Variants in AUTS2 observed in about 807,000 individuals in gnomAD.
AUTS2 encodes the protein activator of transcription and developmental regulator AUTS2.
Under a neutral mutation model 112.4 loss-of-function variants are expected in AUTS2, and 17 were observed. The ratio of observed to expected loss-of-function variants is 0.15; its 90% confidence interval spans 0.10 to 0.23. AUTS2 has a LOEUF of 0.23. AUTS2 is among the 10% of genes least tolerant of loss of function. The probability of loss-of-function intolerance (pLI) is 1.00; values close to 1 mark genes in which losing one functional copy is unlikely to be tolerated. For synonymous variants in AUTS2, 751 were observed against 702.7 expected (o/e 1.07, Z -1.09); for missense variants, 1,510 against 1,701.6 (o/e 0.89, Z 1.98).
At chr7:70,472,067 A>G (rs1797406038) in intron 5 of AUTS2, among the ~76,000 whole-genome samples, 1 of 152,192 alleles carries the variant, frequency 6.6e-6, no homozygotes, top group African/African-American at 2.4e-5. Context: ...GTGTCCTCCC[A>G]CATGCTCTGA....
chr7:69,855,312 T>A (rs1161536598), intron 1 of AUTS2, among the ~76,000 whole-genome samples: 4 of 152,194 alleles, frequency 2.6e-5, no homozygotes, highest in Non-Finnish European at 5.9e-5. Flanking sequence ...TTCTGTTTTA[T>A]CTCTGTGGTA....
intron 4 of AUTS2, among the ~76,000 whole-genome samples, chr7:70,224,329 C>T (rs1357892736): frequency 2.4e-5 from 3 of 125,304 alleles, no homozygotes; most frequent in South Asian, 2.6e-4. Flanking sequence ...CAATACAGTA[C>T]AGTACAATAC....
rs181565485 is a variant in AUTS2 at position 70,387,647 on chromosome 7, A to G, written c.661-48105A>G. On this transcript the variant is annotated intron_variant, in intron 4 of 18. Coordinates refer to ENST00000342771, the MANE Select transcript of AUTS2 (RefSeq NM_015570.4). ...CTAATGTTGGCCATAATGTGACCCA[A>G]GGTTGCAAATTTGACTTTTTTCTTT... Among the ~76,000 whole-genome samples the G allele has an allele frequency of 8.5e-4, 130 of 152,284 alleles. 2 individuals carry two copies. Among genetic ancestry groups the G allele is most frequent in the African/African-American group, 3.1e-3 (127 of 41,550 alleles).
intron 1 of AUTS2, among the ~76,000 whole-genome samples, chr7:69,618,479 T>TA (rs925001241): frequency 3.6e-4 from 55 of 152,302 alleles, no homozygotes; most frequent in African/African-American, 1.2e-3. Flanking sequence ...TGTTACGGAA[T>TA]ACAGGCCAGT....
At chr7:70,752,970 C>G (rs1377749907) in intron 6 of AUTS2, among the ~76,000 whole-genome samples, 1 of 152,090 alleles carries the variant, frequency 6.6e-6, no homozygotes, top group Admixed American at 6.5e-5. Flanking sequence ...TGATACACCC[C>G]CCTTGAAGGC....
intron 1 of AUTS2, among the ~76,000 whole-genome samples, chr7:69,632,154 A>C (rs965929934): frequency 6.6e-6 from 1 of 152,156 alleles, no homozygotes; most frequent in African/African-American, 2.4e-5. Flanking sequence ...AATCTTGTAA[A>C]TGTATTTTTA....
intron 1 of AUTS2, among the ~76,000 whole-genome samples, chr7:69,660,152 G>T (rs1304630665): frequency 6.6e-6 from 1 of 152,106 alleles, no homozygotes; most frequent in Non-Finnish European, 1.5e-5. Context: ...ACATTCTTTG[G>T]GTTTGTTGGA....
At chr7:70,403,750 T>A (rs1794419559) in intron 4 of AUTS2, among the ~76,000 whole-genome samples, 1 of 152,216 alleles carries the variant, frequency 6.6e-6, no homozygotes, top group South Asian at 2.1e-4. Context: ...TGGCAGAATG[T>A]TTTGATACAA....
chr7:70,641,611 T>G (rs115989867), intron 5 of AUTS2, among the ~76,000 whole-genome samples: 2,582 of 152,280 alleles, frequency 0.017, 67 homozygotes, highest in African/African-American at 0.059. Flanking sequence ...GTTAACTAAG[T>G]TAACTAAGGT....
intron 1 of AUTS2, among the ~76,000 whole-genome samples, chr7:69,752,475 G>A (rs776522338): frequency 6.6e-6 from 1 of 152,194 alleles, no homozygotes; most frequent in African/African-American, 2.4e-5. Flanking sequence ...ACCAGATGCC[G>A]TGAATAACTG....
At chr7:70,300,892 T>C (rs1424172142) in intron 4 of AUTS2, among the ~76,000 whole-genome samples, 2 of 152,192 alleles carry the variant, frequency 1.3e-5, no homozygotes, top group Non-Finnish European at 2.9e-5. Context: ...TTGCATAGAT[T>C]GTAAGGGCAC....
intron 4 of AUTS2, among the ~76,000 whole-genome samples, chr7:70,332,288 A>G (rs1790789525): frequency 6.6e-6 from 1 of 152,210 alleles, no homozygotes; most frequent in Non-Finnish European, 1.5e-5. Flanking sequence ...GAGAACTACA[A>G]ACCACTGTTC....
At chr7:70,192,386 G>A (rs1353891700) in intron 4 of AUTS2, among the ~76,000 whole-genome samples, 1 of 152,168 alleles carries the variant, frequency 6.6e-6, no homozygotes, top group African/African-American at 2.4e-5. Context: ...TTGATTTTGA[G>A]TTTGTTGCTT....
intron 1 of AUTS2, among the ~76,000 whole-genome samples, chr7:69,779,873 T>C (rs530199375): frequency 4.4e-4 from 67 of 152,210 alleles, no homozygotes; most frequent in African/African-American, 1.5e-3. Flanking sequence ...TGTATTTTTT[T>C]CAGACAGGGT....
chr7:70,149,458 TTAAC>T (rs1157155080), intron 4 of AUTS2, among the ~76,000 whole-genome samples: 1 of 152,094 alleles, frequency 6.6e-6, no homozygotes, highest in Admixed American at 6.6e-5. Context: ...TTTAACCAAA[TTAAC>T]TAACTTCTAT....
intron 6 of AUTS2, among the ~76,000 whole-genome samples, chr7:70,748,492 C>CAAAGAAA (rs1474711629): frequency 6.6e-6 from 1 of 152,142 alleles, no homozygotes; most frequent in Non-Finnish European, 1.5e-5. Flanking sequence ...TCTTCTGTTC[C>CAAAGAAA]TAAAGATTAT....
At chr7:69,836,673 CAGAG>C (rs1242416664) in intron 1 of AUTS2, among the ~76,000 whole-genome samples, 1 of 152,152 alleles carries the variant, frequency 6.6e-6, no homozygotes, top group Non-Finnish European at 1.5e-5. Context: ...GGAACAATGA[CAGAG>C]AGTTTTGCCA....
intron 6 of AUTS2, among the ~76,000 whole-genome samples, chr7:70,746,410 T>A (rs1788458339): frequency 6.6e-6 from 1 of 152,174 alleles, no homozygotes; most frequent in South Asian, 2.1e-4. Flanking sequence ...CCTCCCAAAG[T>A]GCTGGGATTA....
intron 4 of AUTS2, among the ~76,000 whole-genome samples, chr7:70,264,379 T>TG (rs1787317884): frequency 1.3e-5 from 2 of 152,234 alleles, no homozygotes; most frequent in African/African-American, 4.8e-5. Context: ...AGCTAGTTGT[T>TG]GTATTTTTAG....
Sources: allele counts gnomAD v4.1 joint callset (sites outside exome capture counted in the v4.1 genomes callset), GRCh38; gene constraint gnomAD v4.1.1; transcripts MANE v1.5; gene names NCBI Gene and HGNC (gene_info 2026-07-23, HGNC 2026-07-21).